SLC20A2: variants seen among roughly 807,000 people sequenced by gnomAD.
SLC20A2 encodes solute carrier family 20 member 2.
A neutral mutation model predicts 61.0 loss-of-function variants in SLC20A2; 30 were observed. The ratio of observed to expected loss-of-function variants is 0.49; its 90% CI spans 0.37 to 0.67. The LOEUF is 0.67. Among genes scored for constraint, SLC20A2 ranks in the 30% least tolerant of loss-of-function variants. The pLI is 0.00. For missense variants in SLC20A2, 626 were observed against 866.4 expected, an observed-to-expected ratio of 0.72 and a Z score of 3.48; for synonymous variants, 351 against 353.3, an observed-to-expected ratio of 0.99 and a Z score of 0.07.
chr8:42,529,366 C>A (rs1812187682), intron 1 of SLC20A2, among the ~76,000 whole-genome samples: 1 of 151,656 alleles, frequency 6.6e-6, no homozygotes. Flanking sequence ...GGAGGACTAC[C>A]CCAACATCTA....
intron 1 of SLC20A2, among the ~76,000 whole-genome samples, chr8:42,488,220 T>C (rs963808864): frequency 1.4e-5 from 2 of 146,780 alleles, no homozygotes; most frequent in South Asian, 2.3e-4. Context: ...GAGTCTCCCT[T>C]TGTGGCCCAG....
At chr8:42,530,524 A>G (rs1812253102) in intron 1 of SLC20A2, among the ~76,000 whole-genome samples, 1 of 152,190 alleles carries the variant, frequency 6.6e-6, no homozygotes, top group African/African-American at 2.4e-5. Flanking sequence ...TAATGTTGAC[A>G]TGCTTCTTCT....
intron 5 of SLC20A2, among the ~76,000 whole-genome samples, chr8:42,451,370 A>AGAGGAAGAGATGAAGAGGAGGAG (rs1805627638): frequency 7.4e-6 from 1 of 135,026 alleles, no homozygotes; most frequent in Non-Finnish European, 1.6e-5. Context: ...AAGAGATGGA[A>AGAGGAAGAGATGAAGAGGAGGAG]GAGGAAGAGA....
At chr8:42,441,676 C>G (rs1804794730) in intron 6 of SLC20A2, among the ~76,000 whole-genome samples, 1 of 151,480 alleles carries the variant, frequency 6.6e-6, no homozygotes, top group African/African-American at 2.4e-5. Context: ...ACCATGTTGG[C>G]CAAGATGGTC....
intron 1 of SLC20A2, among the ~76,000 whole-genome samples, chr8:42,526,955 AT>A (rs1812002022): frequency 6.6e-6 from 1 of 151,856 alleles, no homozygotes; most frequent in South Asian, 2.1e-4. Context: ...AAATAGAAAA[AT>A]TTGCCATGCA....
chr8:42,495,616 T>C (rs1809866181), intron 1 of SLC20A2, among the ~76,000 whole-genome samples: 1 of 152,226 alleles, frequency 6.6e-6, no homozygotes, highest in South Asian at 2.1e-4. Context: ...GTAACATCAA[T>C]ATCTTATGAC....
chr8:42,445,167 C>G (rs1439311630), intron 5 of SLC20A2, among the ~76,000 whole-genome samples: 4 of 152,034 alleles, frequency 2.6e-5, no homozygotes, highest in African/African-American at 9.7e-5. Flanking sequence ...TGGCGCATGC[C>G]TGTAATCCCA....
chr8:42,456,262 GA>G (rs1373697563), intron 5 of SLC20A2, among the ~76,000 whole-genome samples: 1 of 152,122 alleles, frequency 6.6e-6, no homozygotes, highest in Non-Finnish European at 1.5e-5. Flanking sequence ...ATAAAATGCA[GA>G]AACGAAAAAA....
chr8:42,432,678 C>T (rs1469131127), intron 8 of SLC20A2, among the ~76,000 whole-genome samples: 2 of 152,138 alleles, frequency 1.3e-5, no homozygotes, highest in African/African-American at 4.8e-5. Flanking sequence ...CACAGCCACC[C>T]CAACCTTTAA....
rs150064271 is a variant in SLC20A2 at position 42,530,120 on chromosome 8, A to C, written c.-265+11701T>G. On this transcript the variant is annotated intron_variant, in intron 1 of 10. Transcript: ENST00000342228. ...TCCAAGCCAAACAACCTGGGTCAAA[A>C]GAATGAATTTTTTCAGGTGAAAAAT... Among the ~76,000 whole-genome samples the C allele has an allele frequency of 1.0e-3, 153 of 152,302 alleles. 1 individual carries two copies. Among genetic ancestry groups the C allele is most frequent in the African/African-American group, 3.4e-3 (143 of 41,564 alleles).
upstream of SLC20A2, among the ~76,000 whole-genome samples, chr8:42,505,519 AC>A (rs1810626736): frequency 6.6e-6 from 1 of 152,166 alleles, no homozygotes; most frequent in Non-Finnish European, 1.5e-5. Context: ...TTAGTTTGGA[AC>A]CTTAGAAAAG....
upstream of SLC20A2, among the ~76,000 whole-genome samples, chr8:42,504,270 T>C (rs938214183): frequency 1.3e-5 from 2 of 152,174 alleles, no homozygotes; most frequent in African/African-American, 2.4e-5. Flanking sequence ...TGAAATAATA[T>C]GCAAAATATT....
chr8:42,523,133 C>T (rs983894826), intron 1 of SLC20A2, among the ~76,000 whole-genome samples: 22 of 152,214 alleles, frequency 1.4e-4, no homozygotes, highest in African/African-American at 5.3e-4. Flanking sequence ...GAGTTCGAGA[C>T]CAGCCTGGCC....
chr8:42,435,407 G>A (rs963102912), intron 8 of SLC20A2, among the ~76,000 whole-genome samples: 2 of 152,162 alleles, frequency 1.3e-5, no homozygotes, highest in East Asian at 1.9e-4. Context: ...GAAACCGAGC[G>A]AGTGGGGAGC....
At chr8:42,497,107 GTTAA>G (rs1211839543) in intron 1 of SLC20A2, among the ~76,000 whole-genome samples, 2 of 152,204 alleles carry the variant, frequency 1.3e-5, no homozygotes, top group Non-Finnish European at 2.9e-5. Context: ...AATTTTCCTG[GTTAA>G]TTATTAATCT....
intron 1 of SLC20A2, among the ~76,000 whole-genome samples, chr8:42,538,852 C>T (rs749710436): frequency 6.6e-6 from 1 of 152,168 alleles, no homozygotes; most frequent in Non-Finnish European, 1.5e-5. Flanking sequence ...TTTTCATGTA[C>T]TGTAATATAC....
intron 1 of SLC20A2, among the ~76,000 whole-genome samples, chr8:42,511,445 A>G (rs1399360219): frequency 1.3e-5 from 2 of 152,058 alleles, no homozygotes; most frequent in Non-Finnish European, 2.9e-5. Flanking sequence ...TGGCCAACAC[A>G]GTGAAACCCC....
At chr8:42,462,646 T>C (rs1460764817) in intron 4 of SLC20A2, among the ~76,000 whole-genome samples, 3 of 152,120 alleles carry the variant, frequency 2.0e-5, no homozygotes, top group Non-Finnish European at 4.4e-5. Flanking sequence ...ATTCTCCAGC[T>C]GTTTTTTAAT....
At chr8:42,534,516 T>C (rs1262155893) in intron 1 of SLC20A2, 1 of 151,908 alleles carries the variant, frequency 6.6e-6, no homozygotes, top group Admixed American at 6.6e-5. Context: ...ATATGAATAG[T>C]AAAGAGTAAT....
Sources: allele counts gnomAD v4.1 joint callset (sites outside exome capture counted in the v4.1 genomes callset), GRCh38; gene constraint gnomAD v4.1.1; transcripts MANE v1.5; gene names NCBI Gene and HGNC (gene_info 2026-07-23, HGNC 2026-07-21).